Variants in KIF13A observed in about 807,000 individuals in gnomAD.
The protein encoded by KIF13A is kinesin-like protein KIF13A.
Under a neutral mutation model 212.2 loss-of-function variants are expected in KIF13A, and 79 were observed. The ratio of observed to expected loss-of-function variants is 0.37; its 90% CI spans 0.31 to 0.45. KIF13A has a LOEUF of 0.45. Among genes scored for constraint, KIF13A ranks in the 20% least tolerant of loss-of-function variants. KIF13A has a pLI of 1.00. For synonymous variants in KIF13A, 789 were observed against 808.6 expected, an observed-to-expected ratio of 0.98 and a Z score of 0.41; for missense variants, 1,901 against 2,209.0, an observed-to-expected ratio of 0.86 and a Z score of 2.79.
chr6:17,874,494 G>A (rs554017938), intron 3 of KIF13A, among the ~76,000 whole-genome samples: 1 of 152,076 alleles, frequency 6.6e-6, no homozygotes, highest in South Asian at 2.1e-4. Context: ...GGAGTGCAGT[G>A]GTGCGATCTC....
chr6:17,851,845 C>T, intron 7 of KIF13A, 110 bp downstream of exon 7: 2 of 487,254 alleles, frequency 4.1e-6, no homozygotes, highest in Non-Finnish European at 7.0e-6. Flanking sequence ...TTCTGAGGCC[C>T]TGAGTAGTAT....
intron 3 of KIF13A, among the ~76,000 whole-genome samples, chr6:17,893,830 ATCTTTT>A (rs1772298443): frequency 8.1e-6 from 1 of 122,838 alleles, no homozygotes; most frequent in African/African-American, 3.1e-5. Flanking sequence ...TTTTTCCTGC[ATCTTTT>A]TTTTTTTTTT....
rs1278722927 is a variant in KIF13A, at chr6:17,836,946, T to G, written c.1087A>C (p.Asn363His). ...VNHAVVNEDP[N>H]AKVIRELREE... is the part of the protein sequence containing the mutation. ...CGCAGTTCTCGGATCACTTTTGCGT[T>G]GGGGTCCTCATTCACAACAGCATGG... Residue 363 changes from asparagine to histidine, a missense_variant, in exon 11 of 39, where the codon AAC (asparagine) becomes CAC (histidine). Physicochemically the swap from Asn to His is moderately conservative, Grantham distance 68. Coordinates refer to ENST00000259711, the MANE Select transcript of KIF13A (RefSeq NM_022113.6). 2 of 1,613,846 alleles carry G rather than the reference T, an allele frequency of 1.2e-6. No individual in the cohort carries two copies. Among genetic ancestry groups the G allele is most frequent in the Non-Finnish European group, 1.7e-6 (2 of 1,179,894 alleles).
At position 17,808,776 on chromosome 6, in the gene KIF13A, T is replaced by C. The variant is rs1452587260; in HGVS notation, c.2155A>G (p.Asn719Asp). 15 of 1,611,406 alleles carry C rather than the reference T, an allele frequency of 9.3e-6. No homozygotes were observed. The highest frequency in any genetic ancestry group is 1.3e-5 in the Non-Finnish European group (15 of 1,179,054). The change falls in exon 18 of 39, where the codon AAT (asparagine) becomes GAT (aspartate). Residue 719 changes from asparagine (N) to aspartate (D), a missense_variant. Asn to Asp is a conservative substitution (Grantham distance 23). This residue lies in a region of KIF13A where 534 missense variants were observed against 536.9 expected (regional missense o/e 0.99). Transcript: ENST00000259711. Reference protein sequence around the residue: ...LQIPAANLSANRKRGAIVSEP... With the variant: ...LQIPAANLSADRKRGAIVSEP... Reference sequence around the variant, plus strand: ...TTGAAGGACATTCTTACCTTCCTATTGGCACTGAGGTTTGCAGCAGGGATC... The same window carrying C: ...TTGAAGGACATTCTTACCTTCCTATCGGCACTGAGGTTTGCAGCAGGGATC...
intron 2 of KIF13A, among the ~76,000 whole-genome samples, chr6:17,902,755 A>G (rs949022308): frequency 6.6e-6 from 1 of 151,904 alleles, no homozygotes; most frequent in African/African-American, 2.4e-5. Context: ...TGGCACACAT[A>G]AAGTTCTGAT....
rs1269228975 is a variant in KIF13A at position 17,915,306 on chromosome 6, T to C, written c.147-17126A>G. ...TTGCCTCCACCACTTTGTAGGGACC[T>C]TGGACCTGGTGCTTAAGCTCTCAGT... On this transcript the variant is annotated intron_variant, in intron 2 of 38. Coordinates refer to ENST00000259711, the MANE Select transcript of KIF13A (RefSeq NM_022113.6). This position sits in a 1 kb window ranked among gnomAD's most constrained non-coding sequence, Gnocchi z 4.4. Among the ~76,000 whole-genome samples the C allele has an allele frequency of 6.6e-6, 1 of 152,182 alleles. No homozygotes were observed. Among genetic ancestry groups the C allele is most frequent in the Admixed American group, 6.5e-5 (1 of 15,268 alleles).
chr6:17,977,133 A>G (rs914100373), intron 2 of KIF13A, among the ~76,000 whole-genome samples: 50 of 148,876 alleles, frequency 3.4e-4, no homozygotes, highest in Admixed American at 1.4e-3. Context: ...AAAAAAAAAA[A>G]AAAGAAATGC....
rs1333617477 is a variant in KIF13A at position 17,971,662 on chromosome 6, C to T, written c.146+15392G>A. Among the ~76,000 whole-genome samples, 2 of 152,150 alleles carry T rather than the reference C, an allele frequency of 1.3e-5. No individual in the cohort carries two copies. Among genetic ancestry groups the T allele is most frequent in the Admixed American group, 6.5e-5 (1 of 15,292 alleles). ...CTGGTCTCAAGCTCCTGGGCCCAAG[C>T]GATCCTCCCACCTCTGCCTCCCAAA... is the stretch of plus-strand genomic sequence containing the variant. On this transcript the variant is annotated intron_variant, in intron 2 of 38. Coordinates refer to ENST00000259711, the MANE Select transcript of KIF13A (RefSeq NM_022113.6). This position sits in a 1 kb window ranked among gnomAD's most constrained non-coding sequence, Gnocchi z 4.2.
In KIF13A at chr6:17,787,943, T is replaced by A. The variant is rs1761200705; in HGVS notation, c.3262-68A>T. The stretch of plus-strand genomic sequence containing the variant: ...ACAACGATTTCTTTCTTTCTTTTTT[T>A]AAAAGATGTTTAAATCAACTAGGAA... On this transcript the variant is annotated intron_variant, in intron 26 of 38. Coordinates refer to ENST00000259711, the MANE Select transcript of KIF13A (RefSeq NM_022113.6). The surrounding 1 kb of genome is among the most constrained non-coding windows in gnomAD (Gnocchi z 4.6). 5 of 907,602 alleles carry A rather than the reference T, an allele frequency of 5.5e-6. No homozygotes were observed. The highest frequency in any genetic ancestry group is 1.4e-5 in the South Asian group (1 of 70,088). The allele number at this position is 907,602 out of a possible 1,614,324, so 56.2% of individuals were successfully genotyped here.
Position 17,817,043 on chromosome 6 carries a change from C to G in KIF13A, c.1977G>C (p.Lys659Asn). Reference sequence around the variant, plus strand: ...ACCTCTCTTCTGCCCACTGGGTCACCTTCTGCTGCGCTGTCTGGCTGCTGT... The same window carrying G: ...ACCTCTCTTCTGCCCACTGGGTCACGTTCTGCTGCGCTGTCTGGCTGCTGT... ...LAYSSQTAQQKVTQWAEERDE... is the reference protein window; with the variant it reads ...LAYSSQTAQQNVTQWAEERDE... Residue 659 changes from lysine to asparagine, a missense_variant, in exon 17 of 39, where the codon AAG becomes AAC. Transcript: ENST00000259711. The G allele has an allele frequency of 1.9e-6, 3 of 1,612,624 alleles. No individual in the cohort carries two copies. Among genetic ancestry groups the G allele is most frequent in the Non-Finnish European group, 2.5e-6 (3 of 1,179,696 alleles).
chr6:17,932,672 C>T (rs1170995656), intron 2 of KIF13A, among the ~76,000 whole-genome samples: 1 of 152,164 alleles, frequency 6.6e-6, no homozygotes, highest in African/African-American at 2.4e-5. Context: ...CCCACCCCAC[C>T]ACAGCACAGC....
downstream of KIF13A, chr6:17,760,948 TC>T (rs1758556010): frequency 4.7e-6 from 7 of 1,504,452 alleles, no homozygotes; most frequent in Non-Finnish European, 6.4e-6. Flanking sequence ...GCACCTACTC[TC>T]AGCCCAGTCC....
chr6:17,858,116 T>C (rs1768333856), intron 4 of KIF13A, among the ~76,000 whole-genome samples: 1 of 134,576 alleles, frequency 7.4e-6, no homozygotes, highest in African/African-American at 2.6e-5. Flanking sequence ...TGTGTGTGCA[T>C]GCACGCATGT....
In KIF13A at chr6:17,764,005, G is replaced by T; in HGVS notation, c.*105C>A. Reference sequence around the variant, plus strand: ...AGACAGCTGTGCAGGAAGTGAGCCTGCTTCTCTGTGGGCTCATCTTTGCTG... The same window carrying T: ...AGACAGCTGTGCAGGAAGTGAGCCTTCTTCTCTGTGGGCTCATCTTTGCTG... On this transcript the variant is annotated 3_prime_UTR_variant, in exon 39 of 39. Coordinates refer to ENST00000259711, the MANE Select transcript of KIF13A (RefSeq NM_022113.6). The surrounding 1 kb of genome is among the most constrained non-coding windows in gnomAD (Gnocchi z 5.1). 6.8e-7 allele frequency: 1 copy of T among 1,470,600 alleles called. No homozygotes were observed. Among genetic ancestry groups the T allele is most frequent in the South Asian group, 1.5e-5 (1 of 68,962 alleles). 91.1% of individuals were successfully genotyped at this position (1,470,600 alleles called of 1,614,324 possible). A position where few individuals can be genotyped will look rare whatever the true frequency, so the allele number is the denominator to read the frequency against.
At chr6:17,798,551 G>A (rs1355814096) in intron 22 of KIF13A, among the ~76,000 whole-genome samples, 1 of 152,198 alleles carries the variant, frequency 6.6e-6, no homozygotes, top group Non-Finnish European at 1.5e-5. Flanking sequence ...TTTTCTAAGT[G>A]TAGAACCAGA....
In KIF13A at chr6:17,898,189, T is replaced by TG. The variant is rs765673344; in HGVS notation, c.147-10dup. 5 of 1,609,862 alleles carry TG rather than the reference T, an allele frequency of 3.1e-6. No homozygotes were observed. The highest frequency in any genetic ancestry group is 4.2e-6 in the Non-Finnish European group (5 of 1,178,406). On this transcript the variant is annotated splice_polypyrimidine_tract_variant and intron_variant, in intron 2 of 38. Coordinates refer to ENST00000259711, the MANE Select transcript of KIF13A (RefSeq NM_022113.6). This position sits in a 1 kb window ranked among gnomAD's most constrained non-coding sequence, Gnocchi z 5.2. ...TTACCTTGGGAGGTTTCCTTAATGA[T>TG]GGGAAAAAAAAAATTCAGCAGCAGG...
chr6:17,878,519 G>A (rs1030096877), intron 3 of KIF13A, among the ~76,000 whole-genome samples: 4 of 150,894 alleles, frequency 2.7e-5, no homozygotes, highest in Non-Finnish European at 5.9e-5. Flanking sequence ...GGGATCAAGC[G>A]ATCCTCCTGT....
chr6:17,792,516 T>C (rs1761680459), intron 25 of KIF13A, among the ~76,000 whole-genome samples: 1 of 152,192 alleles, frequency 6.6e-6, no homozygotes. Flanking sequence ...CAGTCTAGTG[T>C]TCTCTTTCGA....
intron 2 of KIF13A, among the ~76,000 whole-genome samples, chr6:17,957,725 G>T (rs1434569362): frequency 6.6e-6 from 1 of 152,124 alleles, no homozygotes; most frequent in Non-Finnish European, 1.5e-5. Flanking sequence ...TGTTGGTGGG[G>T]GAAAACCCCA....
Sources: gnomAD v4.1 joint callset for allele counts (sites outside exome capture counted in the v4.1 genomes callset) on GRCh38, gnomAD v4.1.1 for gene constraint, gnomAD v4.1.1 regional missense constraint, Gnocchi (gnomAD v3.1) non-coding constraint, MANE v1.5 for transcripts, NCBI Gene and HGNC (gene_info 2026-07-23, HGNC 2026-07-21) for gene names.